TLL1: variants seen among roughly 807,000 people sequenced by gnomAD.
The protein encoded by TLL1 is tolloid-like protein 1.
A neutral mutation model predicts 128.2 loss-of-function variants in TLL1; 49 were observed. The ratio of observed to expected loss-of-function variants is 0.38; its 90% CI spans 0.30 to 0.48. TLL1 has a LOEUF of 0.48. Among genes scored for constraint, TLL1 ranks in the 20% least tolerant of loss-of-function variants. The pLI is 0.96. For missense variants in TLL1, 1,123 were observed against 1,242.0 expected, an observed-to-expected ratio of 0.90 and a Z score of 1.44; for synonymous variants, 454 against 418.8, an observed-to-expected ratio of 1.08 and a Z score of -1.03.
intron 18 of TLL1, 65 bp from the exon 19 acceptor site, chr4:166,091,062 CA>C (rs1313341405): frequency 9.2e-6 from 13 of 1,413,854 alleles, no homozygotes; most frequent in South Asian, 1.2e-5. Context: ...ATTTCTGTCC[CA>C]AAAATTATCT....
At chr4:165,966,674 C>G (rs1420192676) in intron 1 of TLL1, among the ~76,000 whole-genome samples, 2 of 152,072 alleles carry the variant, frequency 1.3e-5, no homozygotes, top group African/African-American at 4.8e-5. Context: ...CGTGACGTCC[C>G]TTGAGCTGCA....
intron 8 of TLL1, among the ~76,000 whole-genome samples, chr4:166,016,617 GA>G (rs1737962770): frequency 6.6e-6 from 1 of 151,810 alleles, no homozygotes; most frequent in Admixed American, 6.6e-5. Flanking sequence ...TTTCTTACCT[GA>G]AATATAGAAA....
chr4:166,044,485 A>T, intron 12 of TLL1: 1 of 1,407,810 alleles, frequency 7.1e-7, no homozygotes, highest in Non-Finnish European at 9.7e-7. Context: ...TGTACCATTT[A>T]ACTTCCCAGA....
chr4:165,960,335 A>G (rs1045871491), intron 1 of TLL1, among the ~76,000 whole-genome samples: 1 of 152,128 alleles, frequency 6.6e-6, no homozygotes, highest in Non-Finnish European at 1.5e-5. Context: ...ACTGTAAACA[A>G]GCAAACAAAA....
At chr4:166,003,894 G>A (rs530470971) in intron 6 of TLL1, among the ~76,000 whole-genome samples, 100 of 151,868 alleles carry the variant, frequency 6.6e-4, no homozygotes, top group Middle Eastern at 6.8e-3. Context: ...TTTTACTGAA[G>A]CATTTTTTGT....
chr4:166,038,077 T>G (rs1739079130), intron 9 of TLL1, among the ~76,000 whole-genome samples: 1 of 152,158 alleles, frequency 6.6e-6, no homozygotes, highest in Non-Finnish European at 1.5e-5. Context: ...TTGTAATAAT[T>G]AGTGCTTACC....
At chr4:165,928,440 G>T (rs1308747690) in intron 1 of TLL1, among the ~76,000 whole-genome samples, 1 of 152,148 alleles carries the variant, frequency 6.6e-6, no homozygotes, top group Admixed American at 6.5e-5. Flanking sequence ...TCTGAGAGAG[G>T]ATGGAATTTG....
chr4:166,089,052 A>G (rs946860135), intron 18 of TLL1, among the ~76,000 whole-genome samples: 2 of 152,178 alleles, frequency 1.3e-5, no homozygotes, highest in Non-Finnish European at 2.9e-5. Context: ...TCTTCTATGC[A>G]GCAGGTTTCC....
chr4:166,049,252 C>A (rs1014937326), intron 12 of TLL1, among the ~76,000 whole-genome samples: 1 of 152,136 alleles, frequency 6.6e-6, no homozygotes, highest in Non-Finnish European at 1.5e-5. Flanking sequence ...GCACTATGAT[C>A]GAAACCAAGC....
intron 1 of TLL1, among the ~76,000 whole-genome samples, chr4:165,908,580 C>CT (rs1333630164): frequency 7.8e-6 from 1 of 128,510 alleles, no homozygotes; most frequent in African/African-American, 3.0e-5. Flanking sequence ...GAGACCCTGT[C>CT]TCAAAAAAAA....
chr4:166,086,283 T>A (rs1213010188), intron 18 of TLL1, among the ~76,000 whole-genome samples: 4 of 152,176 alleles, frequency 2.6e-5, no homozygotes, highest in Admixed American at 2.6e-4. Flanking sequence ...GGCATTATAA[T>A]GCAGTTATTA....
intron 1 of TLL1, among the ~76,000 whole-genome samples, chr4:165,880,250 G>A (rs1730917728): frequency 6.6e-6 from 1 of 152,116 alleles, no homozygotes; most frequent in Non-Finnish European, 1.5e-5. Context: ...TGCTAGTTTT[G>A]TCAGCTCCTT....
At position 165,923,236 on chromosome 4, in the gene TLL1, C is replaced by G. The variant is rs573280893; in HGVS notation, c.169+49163C>G. On this transcript the variant is annotated intron_variant, in intron 1 of 20. Transcript: ENST00000061240. ...TATAAATCATCAAGTCTTCAAACCA[C>G]AGCAAAATTTTTTTCAGTCTTAGTC... is the stretch of plus-strand genomic sequence containing the variant. 7.1e-4 allele frequency among the ~76,000 whole-genome samples: 108 copies of G among 152,012 alleles called. 1 individual carries two copies. The highest frequency in any genetic ancestry group is 2.5e-3 in the African/African-American group (103 of 41,472).
chr4:165,878,152 G>A (rs1730803875), intron 1 of TLL1, among the ~76,000 whole-genome samples: 1 of 151,906 alleles, frequency 6.6e-6, no homozygotes, highest in Admixed American at 6.6e-5. Context: ...CATTCTTTTG[G>A]CCCTCAGTGT....
rs1462788720 is a variant in TLL1 at position 165,995,072 on chromosome 4, G to T, written c.526G>T (p.Ala176Ser). Residue 176 changes from alanine (A) to serine (S), a missense_variant, in exon 5 of 21, where the codon GCC (alanine) becomes TCC (serine). Ala to Ser is a moderately conservative substitution (Grantham distance 99). Transcript: ENST00000061240. ...IGGNFTGSQR[A>S]MFKQAMRHWE... ...CACATTTTTTCTAGGCAGCCAGAGA[G>T]CCATGTTCAAGCAGGCCATGAGGCA... The T allele has an allele frequency of 6.2e-7, 1 of 1,613,790 alleles. No individual in the cohort carries two copies. The highest frequency in any genetic ancestry group is 2.2e-5 in the East Asian group (1 of 44,854).
intron 1 of TLL1, among the ~76,000 whole-genome samples, chr4:165,975,761 G>C (rs576821405): frequency 2.6e-5 from 4 of 152,106 alleles, no homozygotes. Flanking sequence ...AAGATGACCA[G>C]GCATGGTGGA....
At chr4:166,061,563 T>C (rs1740315781) in intron 15 of TLL1, among the ~76,000 whole-genome samples, 2 of 151,982 alleles carry the variant, frequency 1.3e-5, no homozygotes, top group South Asian at 4.1e-4. Context: ...TTTAATTACT[T>C]TTTTTCCTCT....
At chr4:166,015,173 A>G (rs1241562143) in intron 8 of TLL1, among the ~76,000 whole-genome samples, 4 of 152,068 alleles carry the variant, frequency 2.6e-5, no homozygotes, top group Non-Finnish European at 5.9e-5. Flanking sequence ...TGTTTTCCAC[A>G]TTAGAAATCT....
intron 12 of TLL1, among the ~76,000 whole-genome samples, chr4:166,049,586 G>A (rs1739618803): frequency 6.6e-6 from 1 of 151,482 alleles, no homozygotes; most frequent in Admixed American, 6.6e-5. Flanking sequence ...ATAAACCTAA[G>A]CAAGACCTAT....
Sources: allele counts gnomAD v4.1 joint callset (sites outside exome capture counted in the v4.1 genomes callset), GRCh38; gene constraint gnomAD v4.1.1; transcripts MANE v1.5; gene names NCBI Gene and HGNC (gene_info 2026-07-23, HGNC 2026-07-21).